The following MYLK variants were observed in gnomAD, a reference collection of about 807,000 sequenced individuals.
The protein encoded by MYLK is myosin light chain kinase, smooth muscle.
A neutral mutation model predicts 203.4 loss-of-function variants in MYLK; 106 were observed. The observed-to-expected ratio is 0.52, with a 90% CI of 0.45 to 0.61. The LOEUF is 0.61. MYLK is among the 20% of genes least tolerant of loss of function. MYLK has a pLI of 0.00. For missense variants in MYLK, 2,072 were observed against 2,442.3 expected (o/e 0.85, Z 3.20); for synonymous variants, 867 against 959.5 (o/e 0.90, Z 1.78).
chr3:123,685,414 GAAA>G (rs2060415570), intron 19 of MYLK, among the ~76,000 whole-genome samples: 1 of 152,064 alleles, frequency 6.6e-6, no homozygotes, highest in African/African-American at 2.4e-5. Context: ...GCAACATGGT[GAAA>G]CCCCGTCTCT....
chr3:123,732,622 A>C (rs1435703691), intron 11 of MYLK, among the ~76,000 whole-genome samples: 1 of 152,168 alleles, frequency 6.6e-6, no homozygotes, highest in African/African-American at 2.4e-5. Flanking sequence ...GCACTATTCA[A>C]ACAGCTGAGG....
At chr3:123,675,669 C>A (rs537977635) in intron 20 of MYLK, among the ~76,000 whole-genome samples, 1 of 152,264 alleles carries the variant, frequency 6.6e-6, no homozygotes, top group South Asian at 2.1e-4. Flanking sequence ...AAATAGACAT[C>A]AAATCCTTCA....
chr3:123,700,557 C>T lies in MYLK; in HGVS notation c.2911G>A (p.Val971Met), dbSNP rs1199429329. 4.3e-6 allele frequency: 7 copies of T among 1,613,678 alleles called. No individual in the cohort carries two copies. The highest frequency in any genetic ancestry group is 1.3e-5 in the African/African-American group (1 of 75,028). ...GGGGTGGCAGGTTTTGGCGGTGGCA[C>T]CTTCTCAGGCACGGGGGTCTTGGAA... ...GTSKTPVPEKVPPPKPATPDF... is the reference protein window; with the variant it reads ...GTSKTPVPEKMPPPKPATPDF... Residue 971 changes from valine to methionine, a missense_variant, in exon 18 of 34, where the codon GTG becomes ATG. Val to Met is a conservative substitution (Grantham distance 21). Around this residue, in one of 3 missense-constraint regions of MYLK, gnomAD observed 865 missense variants for 1,016.0 expected, o/e 0.85. Coordinates refer to ENST00000360304, the MANE Select transcript of MYLK (RefSeq NM_053025.4).
intron 13 of MYLK, among the ~76,000 whole-genome samples, chr3:123,714,466 A>AC (rs1348916369): frequency 6.6e-6 from 1 of 152,168 alleles, no homozygotes; most frequent in African/African-American, 2.4e-5. Flanking sequence ...CTGAGGCAAG[A>AC]GGCCCCCAGT....
intron 1 of MYLK, among the ~76,000 whole-genome samples, chr3:123,877,446 A>G (rs1456252850): frequency 6.6e-6 from 1 of 152,218 alleles, no homozygotes; most frequent in Non-Finnish European, 1.5e-5. Flanking sequence ...TGGTCAGGAA[A>G]AAATAGTAAT....
chr3:123,660,319 C>T (rs934414730), intron 23 of MYLK, among the ~76,000 whole-genome samples: 4 of 152,244 alleles, frequency 2.6e-5, no homozygotes, highest in Non-Finnish European at 5.9e-5. Context: ...ATCATGCAAG[C>T]TCCAAACTCA....
intron 3 of MYLK, among the ~76,000 whole-genome samples, chr3:123,799,552 C>T (rs995448721): frequency 6.6e-6 from 1 of 152,102 alleles, no homozygotes; most frequent in African/African-American, 2.4e-5. Flanking sequence ...CATACCTTCC[C>T]TAGAGGGAGG....
chr3:123,699,891 C>T, intron 18 of MYLK, 129 bp downstream of exon 18: 1 of 1,259,386 alleles, frequency 7.9e-7, no homozygotes, highest in Non-Finnish European at 1.1e-6. Flanking sequence ...GCAGGCCCTC[C>T]TACCTGCTAA....
intron 4 of MYLK, among the ~76,000 whole-genome samples, chr3:123,789,674 A>G (rs939753835): frequency 6.6e-6 from 1 of 150,860 alleles, no homozygotes; most frequent in African/African-American, 2.4e-5. Flanking sequence ...AAAAAAAAAA[A>G]AAAAGAAGGA....
At position 123,701,326 on chromosome 3, in the gene MYLK, C is replaced by T. The variant is rs1576629251; in HGVS notation, c.2462+112G>A. 5 of 1,154,328 alleles carry T rather than the reference C, an allele frequency of 4.3e-6. No individual in the cohort carries two copies. In the East Asian group the frequency reaches 1.2e-4, roughly 27 times the overall value. The allele number at this position is 1,154,328 out of a possible 1,614,324, so 71.5% of individuals were successfully genotyped here. A position where few individuals can be genotyped will look rare whatever the true frequency, so the allele number is the denominator to read the frequency against. On this transcript the variant is annotated intron_variant, in intron 17 of 33. Transcript: ENST00000360304. ...AGGCTCTCCCTTCTGGCTTTGGCAG[C>T]CTCAGCTGCAGGACACAAACAATCT... is the stretch of plus-strand genomic sequence containing the variant.
At chr3:123,795,774 T>C (rs2064964145) in intron 3 of MYLK, among the ~76,000 whole-genome samples, 1 of 152,236 alleles carries the variant, frequency 6.6e-6, no homozygotes, top group Non-Finnish European at 1.5e-5. Context: ...TCTGCTGAAC[T>C]GAAGAGAAGC....
chr3:123,618,836 A>T, intron 32 of MYLK, 66 bp from the exon 33 acceptor site: 1 of 1,604,636 alleles, frequency 6.2e-7, no homozygotes, highest in South Asian at 1.1e-5. Context: ...CTCTAGCTTA[A>T]AGAAACTAAC....
chr3:123,671,643 G>C (rs1425788955), intron 20 of MYLK, among the ~76,000 whole-genome samples: 1 of 152,166 alleles, frequency 6.6e-6, no homozygotes, highest in African/African-American at 2.4e-5. Context: ...AATAGTCAAG[G>C]ATCCTGGAGG....
rs747171137 is a variant in MYLK at position 123,700,776 on chromosome 3, G to A, written c.2692C>T (p.Arg898Ter). Residue 898 changes from arginine (R) to a stop codon, truncating the protein, a stop_gained, in exon 18 of 34, where the codon CGA becomes TGA. Coordinates refer to ENST00000360304, the MANE Select transcript of MYLK (RefSeq NM_053025.4). LOFTEE classifies it high-confidence loss of function. ...CTCACCTTCTTCCCCAGGAGGTCTC[G>A]GAAGTCCAGCTGCTCCACCTCCTGC... ...RQQEVEQLDF[R>*]DLLGKKVSTK... 8 of 1,614,098 alleles carry A rather than the reference G, an allele frequency of 5.0e-6. No individual in the cohort carries two copies. In the East Asian group the frequency reaches 6.7e-5, roughly 13 times the overall value.
rs114812224 is a variant in MYLK, at chr3:123,650,854, G to C, written c.4289-1660C>G. On this transcript the variant is annotated intron_variant, in intron 24 of 33. Coordinates refer to ENST00000360304, the MANE Select transcript of MYLK (RefSeq NM_053025.4). ...GAATCTGATCATTCTACCTTTTAGG[G>C]TGGTGAACCCTAAAGTCCATAGTTA... Among the ~76,000 whole-genome samples the C allele has an allele frequency of 5.3e-3, 813 of 152,306 alleles. 11 individuals are homozygous for C. Among genetic ancestry groups the C allele is most frequent in the African/African-American group, 0.018 (730 of 41,568 alleles).
chr3:123,649,109 A>G, intron 25 of MYLK, 45 bp from the exon 26 acceptor site: 1 of 1,613,606 alleles, frequency 6.2e-7, no homozygotes, highest in Non-Finnish European at 8.5e-7. Flanking sequence ...AGATGCCCCC[A>G]CTCAGCCCCC....
chr3:123,782,288 G>A (rs1051579111), intron 4 of MYLK, among the ~76,000 whole-genome samples: 4 of 152,204 alleles, frequency 2.6e-5, no homozygotes, highest in Admixed American at 2.6e-4. Context: ...ATGCAATGAG[G>A]TAGAAGAGCT....
chr3:123,654,599 T>C (rs2059331986), intron 24 of MYLK, among the ~76,000 whole-genome samples: 2 of 152,196 alleles, frequency 1.3e-5, no homozygotes, highest in Non-Finnish European at 2.9e-5. Flanking sequence ...TACTTGAGTC[T>C]TCTACCATCT....
At chr3:123,614,420 A>G in intron 33 of MYLK, 71 bp from the exon 34 acceptor site, 1 of 1,589,914 alleles carries the variant, frequency 6.3e-7, no homozygotes, top group Non-Finnish European at 8.6e-7. Context: ...CATGCAAGCA[A>G]CTTGTAAGCT....
Sources: allele counts gnomAD v4.1 joint callset (sites outside exome capture counted in the v4.1 genomes callset), GRCh38; gene constraint gnomAD v4.1.1; regional missense constraint gnomAD v4.1.1; transcripts MANE v1.5; gene names NCBI Gene and HGNC (gene_info 2026-07-23, HGNC 2026-07-21).